STK40: variants seen among roughly 807,000 people sequenced by gnomAD.
STK40 encodes serine/threonine kinase 40.
STK40 carries 13 observed loss-of-function variants against 47.9 expected under a neutral mutation model. The observed-to-expected ratio is 0.27, with a 90% CI of 0.18 to 0.43. STK40 has a LOEUF of 0.43. Ranked by LOEUF, STK40 falls within the 20% of genes least tolerant of loss-of-function variation. The pLI is 1.00. For synonymous variants in STK40, 225 were observed against 243.2 expected, an observed-to-expected ratio of 0.93 and a Z score of 0.69; for missense variants, 460 against 595.1, an observed-to-expected ratio of 0.77 and a Z score of 2.36.
intron 1 of STK40, among the ~76,000 whole-genome samples, chr1:36,365,635 C>A (rs970668537): frequency 7.9e-5 from 12 of 152,204 alleles, no homozygotes; most frequent in Non-Finnish European, 1.3e-4. Context: ...AGTAATGTGT[C>A]TGGCACTGTG....
chr1:36,341,640 C>A lies in STK40; in HGVS notation c.*115G>T. The A allele has an allele frequency of 7.6e-7, 1 of 1,316,570 alleles. No individual in the cohort carries two copies. Among genetic ancestry groups the A allele is most frequent in the East Asian group, 2.4e-5 (1 of 42,012 alleles). The allele number at this position is 1,316,570 out of a possible 1,614,324, so 81.6% of individuals were successfully genotyped here. A position where few individuals can be genotyped will look rare whatever the true frequency, so the allele number is the denominator to read the frequency against. On this transcript the variant is annotated 3_prime_UTR_variant, in exon 11 of 11. Coordinates refer to ENST00000373132, the MANE Select transcript of STK40 (RefSeq NM_001282547.2). The stretch of plus-strand genomic sequence containing the variant: ...GACCTGGGCTGTCCCTGTCCCTGCC[C>A]TGTCCCTATTGTGGCCCGGGAGAGT...
chr1:36,354,265 G>C, intron 6 of STK40, 99 bp downstream of exon 6: 1 of 1,340,474 alleles, frequency 7.5e-7, no homozygotes, highest in South Asian at 1.2e-5. Flanking sequence ...GTTTTGAGTC[G>C]GAATCCTCAT....
intron 1 of STK40, among the ~76,000 whole-genome samples, chr1:36,368,847 G>T (rs1646922232): frequency 6.6e-6 from 1 of 152,214 alleles, no homozygotes; most frequent in Non-Finnish European, 1.5e-5. Context: ...TCCTGAACTT[G>T]CAAATTGCAT....
intron 1 of STK40, among the ~76,000 whole-genome samples, chr1:36,381,497 T>C (rs781159690): frequency 1.3e-5 from 2 of 152,162 alleles, no homozygotes; most frequent in Non-Finnish European, 2.9e-5. Flanking sequence ...AGTTCTTTTT[T>C]TGAGACAGGG....
At chr1:36,357,710 G>A (rs536718002) in intron 4 of STK40, among the ~76,000 whole-genome samples, 6 of 152,238 alleles carry the variant, frequency 3.9e-5, no homozygotes, top group South Asian at 2.1e-4. Flanking sequence ...TCCACCTCCC[G>A]GGCTCAAGCG....
chr1:36,358,656 G>A (rs1335662484), intron 3 of STK40, 81 bp downstream of exon 3: 9 of 1,446,160 alleles, frequency 6.2e-6, no homozygotes, highest in African/African-American at 4.2e-5. Flanking sequence ...AATGACGCAG[G>A]TGTGAAGGTG....
At chr1:36,382,703 T>A (rs1446542257) in intron 1 of STK40, among the ~76,000 whole-genome samples, 1 of 152,228 alleles carries the variant, frequency 6.6e-6, no homozygotes, top group South Asian at 2.1e-4. Flanking sequence ...CTAGTTGCCA[T>A]GAATTGCTGC....
intron 1 of STK40, among the ~76,000 whole-genome samples, chr1:36,371,247 C>A (rs1161545762): frequency 6.7e-6 from 1 of 150,214 alleles, no homozygotes; most frequent in East Asian, 2.0e-4. Flanking sequence ...AGTTACTATA[C>A]TGTATTAAGA....
chr1:36,374,424 G>C (rs558212678), intron 1 of STK40, among the ~76,000 whole-genome samples: 1 of 152,308 alleles, frequency 6.6e-6, no homozygotes, highest in Non-Finnish European at 1.5e-5. Flanking sequence ...TGGAGTTAGA[G>C]ACCGGTCCCC....
chr1:36,359,350 G>C (rs1183755089), intron 2 of STK40, among the ~76,000 whole-genome samples: 1 of 152,232 alleles, frequency 6.6e-6, no homozygotes, highest in African/African-American at 2.4e-5. Flanking sequence ...AGGCTGCAGT[G>C]AACTGTGTTT....
chr1:36,358,839 T>C lies in STK40; in HGVS notation c.113-17A>G. On this transcript the variant is annotated splice_polypyrimidine_tract_variant and intron_variant, in intron 2 of 10. Coordinates refer to ENST00000373132, the MANE Select transcript of STK40 (RefSeq NM_001282547.2). ...GACGGGGACCTACGGCACAGAGAGC[T>C]GCTGGTCTACTTTTCAGAAGCCCTG... The C allele has an allele frequency of 2.5e-6, 4 of 1,614,008 alleles. No homozygotes were observed. The highest frequency in any genetic ancestry group is 3.4e-6 in the Non-Finnish European group (4 of 1,180,002).
intron 1 of STK40, chr1:36,367,803 T>A (rs1646914715): frequency 3.0e-6 from 3 of 985,874 alleles, no homozygotes; most frequent in Non-Finnish European, 3.6e-6. Context: ...CTGAGAAGCA[T>A]CCCCACAGGC....
At chr1:36,364,480 G>T (rs1438826005) in intron 1 of STK40, among the ~76,000 whole-genome samples, 1 of 151,980 alleles carries the variant, frequency 6.6e-6, no homozygotes, top group East Asian at 1.9e-4. Flanking sequence ...TTATTTCTGA[G>T]GTTGAATTTG....
At chr1:36,360,932 T>TG (rs1439851336) in intron 2 of STK40, among the ~76,000 whole-genome samples, 1 of 152,164 alleles carries the variant, frequency 6.6e-6, no homozygotes, top group African/African-American at 2.4e-5. Context: ...TAGGATTCTC[T>TG]GGGGGGAGAG....
chr1:36,374,509 A>C (rs1343345813), intron 1 of STK40, among the ~76,000 whole-genome samples: 1 of 152,244 alleles, frequency 6.6e-6, no homozygotes, highest in Non-Finnish European at 1.5e-5. Flanking sequence ...CCACCAGAGC[A>C]GAATCCAGGG....
At chr1:36,370,547 T>G (rs894209019) in intron 1 of STK40, among the ~76,000 whole-genome samples, 1 of 152,202 alleles carries the variant, frequency 6.6e-6, no homozygotes, top group African/African-American at 2.4e-5. Context: ...GAATGCGCGA[T>G]GCAACTGAGG....
chr1:36,383,791 G>C (rs1326172706), intron 1 of STK40, among the ~76,000 whole-genome samples: 1 of 152,040 alleles, frequency 6.6e-6, no homozygotes, highest in Non-Finnish European at 1.5e-5. Flanking sequence ...TGAACAATCT[G>C]AGATTTCTGG....
chr1:36,361,426 A>G (rs1646851460), intron 1 of STK40, 86 bp from the exon 2 acceptor site: 3 of 1,581,778 alleles, frequency 1.9e-6, no homozygotes, highest in Middle Eastern at 1.7e-4. Flanking sequence ...TTGACTTGGG[A>G]TGCATCACAC....
At chr1:36,356,291 G>T (rs1408618517) in intron 4 of STK40, among the ~76,000 whole-genome samples, 1 of 152,118 alleles carries the variant, frequency 6.6e-6, no homozygotes, top group African/African-American at 2.4e-5. Flanking sequence ...AAGGTATTTC[G>T]AGTAAGACAA....
Sources: allele counts gnomAD v4.1 joint callset (sites outside exome capture counted in the v4.1 genomes callset), GRCh38; gene constraint gnomAD v4.1.1; transcripts MANE v1.5; gene names NCBI Gene and HGNC (gene_info 2026-07-23, HGNC 2026-07-21).